Variants in PPP2R1B observed in about 807,000 individuals in gnomAD.
PPP2R1B encodes serine/threonine-protein phosphatase 2A 65 kDa regulatory subunit A beta isoform.
Under a neutral mutation model 72.7 loss-of-function variants are expected in PPP2R1B, and 58 were observed. The observed-to-expected ratio is 0.80, with a 90% CI of 0.65 to 0.99. The LOEUF (loss-of-function observed/expected upper bound fraction) is 0.99. Ranked by LOEUF, PPP2R1B falls within the 50% of genes least tolerant of loss-of-function variation. PPP2R1B has a pLI of 0.00. For missense variants in PPP2R1B, 695 were observed against 733.6 expected, an observed-to-expected ratio of 0.95 and a Z score of 0.61; for synonymous variants, 256 against 264.6, an observed-to-expected ratio of 0.97 and a Z score of 0.32.
chr11:111,697,665 A>G, the PPP2R1B span, among the ~76,000 whole-genome samples: 1 of 152,100 alleles, frequency 6.6e-6, no homozygotes, highest in Non-Finnish European at 1.5e-5. Context: ...CTAACACCAA[A>G]GTCTTCCTTA....
In PPP2R1B at chr11:111,742,515, A is replaced by C. The variant is rs200059018; in HGVS notation, c.1697+8T>G. On this transcript the variant is annotated splice_region_variant and intron_variant, in intron 13 of 14. Coordinates refer to ENST00000527614, the MANE Select transcript of PPP2R1B (RefSeq NM_002716.5). ...CTTTTAAAACAAGACTAAACACTAA[A>C]ATCTTACTTGGTATCTAGAATTGGT... 395 of 1,611,302 alleles carry C rather than the reference A, an allele frequency of 2.5e-4. 3 individuals are homozygous for C. The African/African-American group carries it at 4.9e-3, about 20-fold the overall frequency.
chr11:111,718,320 C>T, the PPP2R1B span, among the ~76,000 whole-genome samples: 111 of 152,238 alleles, frequency 7.3e-4, 4 homozygotes, highest in South Asian at 0.022. Context: ...TGCAAGGAAA[C>T]TATTAAGTTT....
chr11:111,701,670 G>T, the PPP2R1B span: 1 of 1,474,554 alleles, frequency 6.8e-7, no homozygotes, highest in Non-Finnish European at 9.1e-7. This position sits in a 1 kb window ranked among gnomAD's most constrained non-coding sequence, Gnocchi z 4.2. Flanking sequence ...AAGAGTTTGG[G>T]TGCCAAATAA....
At chr11:111,742,204 G>A in intron 13 of PPP2R1B, 60 bp from the exon 14 acceptor site, 4 of 1,263,894 alleles carry the variant, frequency 3.2e-6, no homozygotes, top group African/African-American at 1.5e-5. Flanking sequence ...AATCCTTTTT[G>A]GTGTATATGG....
chr11:111,693,836 T>C, the PPP2R1B span, among the ~76,000 whole-genome samples: 2 of 152,174 alleles, frequency 1.3e-5, no homozygotes, highest in Non-Finnish European at 2.9e-5. Context: ...GTGATAATAT[T>C]GGAGACAGGG....
intron 1 of PPP2R1B, chr11:111,766,015 C>G (rs1291637272): frequency 6.8e-6 from 4 of 586,548 alleles, no homozygotes; most frequent in African/African-American, 1.9e-5. Context: ...AAGGGCAAGG[C>G]TCCGGGCGGA....
In PPP2R1B at chr11:111,753,554, T is replaced by C; in HGVS notation, c.1053A>G (p.Gln351=). The change falls in exon 9 of 15, where the codon CAA becomes CAG. Residue 351 remains glutamine, a synonymous_variant. Coordinates refer to ENST00000527614, the MANE Select transcript of PPP2R1B (RefSeq NM_002716.5). The part of the protein sequence containing the change: ...YIKELVSDTN[Q]HVKSALASVI... ...CAGAAGCTAGAGCCGATTTGACATG[T>C]TGATTGGTATCGGATACTAATTCCT... The C allele has an allele frequency of 6.2e-7, 1 of 1,611,050 alleles. No homozygotes were observed. The highest frequency in any genetic ancestry group is 8.5e-7 in the Non-Finnish European group (1 of 1,178,804).
At chr11:111,761,975 A>C (rs2136111316) in intron 3 of PPP2R1B, among the ~76,000 whole-genome samples, 1 of 152,270 alleles carries the variant, frequency 6.6e-6, no homozygotes, top group South Asian at 2.1e-4. Context: ...AAAAAAGGTA[A>C]AGTACAGAGA....
chr11:111,731,413 G>A (rs920401909), intron 15 of PPP2R1B, among the ~76,000 whole-genome samples: 3 of 152,228 alleles, frequency 2.0e-5, no homozygotes, highest in African/African-American at 4.8e-5. Flanking sequence ...TCACATGGGC[G>A]GGGCACCCTT....
intron 5 of PPP2R1B, 139 bp from the exon 6 acceptor site, chr11:111,755,589 TC>T: frequency 1.4e-6 from 1 of 724,660 alleles, no homozygotes; most frequent in Non-Finnish European, 2.0e-6. Context: ...GACATCTTTT[TC>T]TTTTTTTTTT....
chr11:111,712,324 C>T, the PPP2R1B span: 1 of 1,614,228 alleles, frequency 6.2e-7, no homozygotes, highest in South Asian at 1.1e-5. Context: ...CAGCATCTGG[C>T]TGTCAGGCGG....
At chr11:111,701,596 TTAATGGTG>T in the PPP2R1B span, 1 of 1,612,648 alleles carries the variant, frequency 6.2e-7, no homozygotes. This position sits in a 1 kb window ranked among gnomAD's most constrained non-coding sequence, Gnocchi z 4.2. Flanking sequence ...TTTCATCTTA[TTAATGGTG>T]TTTTACAGTG....
At chr11:111,750,295 A>G (rs1944854830) in intron 10 of PPP2R1B, among the ~76,000 whole-genome samples, 2 of 152,224 alleles carry the variant, frequency 1.3e-5, no homozygotes, top group African/African-American at 4.8e-5. Context: ...GAGGAAGGGG[A>G]AACAAACTGT....
chr11:111,707,959 T>A, the PPP2R1B span, among the ~76,000 whole-genome samples: 16 of 152,286 alleles, frequency 1.1e-4, no homozygotes, highest in African/African-American at 3.9e-4. Flanking sequence ...ATACAGTTAG[T>A]TAACCTGTAC....
chr11:111,746,592 G>A (rs1944713273), intron 11 of PPP2R1B, among the ~76,000 whole-genome samples: 1 of 152,096 alleles, frequency 6.6e-6, no homozygotes. Flanking sequence ...GTATATCTAT[G>A]TAACATAACA....
chr11:111,742,174 A>C (rs773178714), intron 13 of PPP2R1B, 30 bp from the exon 14 acceptor site: 5 of 1,535,196 alleles, frequency 3.3e-6, no homozygotes, highest in Non-Finnish European at 3.6e-6. Context: ...TCTGTGAAAG[A>C]CAGTCTAATG....
intron 5 of PPP2R1B, 146 bp downstream of exon 5, chr11:111,759,658 A>G (rs1945253079): frequency 2.6e-6 from 2 of 784,132 alleles, no homozygotes; most frequent in Non-Finnish European, 3.8e-6. Flanking sequence ...CATTGAGATA[A>G]GCATGTTACA....
chr11:111,762,719 T>C (rs546152643), intron 3 of PPP2R1B, among the ~76,000 whole-genome samples: 1 of 152,084 alleles, frequency 6.6e-6, no homozygotes, highest in Non-Finnish European at 1.5e-5. Flanking sequence ...TATTTTTTTT[T>C]AAGTGTTGGG....
At chr11:111,765,408 A>G (rs782126983) in intron 1 of PPP2R1B, 24 bp from the exon 2 acceptor site, 2 of 1,570,206 alleles carry the variant, frequency 1.3e-6, no homozygotes, top group East Asian at 2.2e-5. Flanking sequence ...AGTAGAAAGA[A>G]GAACAATGTA....
Sources: gnomAD v4.1 joint callset for allele counts (sites outside exome capture counted in the v4.1 genomes callset) on GRCh38, gnomAD v4.1.1 for gene constraint, Gnocchi (gnomAD v3.1) non-coding constraint, MANE v1.5 for transcripts, NCBI Gene and HGNC (gene_info 2026-07-23, HGNC 2026-07-21) for gene names.